Variants in SLC24A2 observed in about 807,000 individuals in gnomAD.
SLC24A2 encodes solute carrier family 24 member 2, also known as sodium/potassium/calcium exchanger 2.
Under a neutral mutation model 62.0 loss-of-function variants are expected in SLC24A2, and 36 were observed. That is an observed-to-expected ratio of 0.58 (90% CI 0.44 to 0.77). The LOEUF is 0.77. SLC24A2 is among the 30% of genes least tolerant of loss of function. The pLI is 0.00. For missense variants in SLC24A2, 846 were observed against 817.9 expected, an observed-to-expected ratio of 1.03 and a Z score of -0.42; for synonymous variants, 358 against 294.0, an observed-to-expected ratio of 1.22 and a Z score of -2.23.
At chr9:19,898,741 CAAAAAAAAA>C in the SLC24A2 span, among the ~76,000 whole-genome samples, 71 of 97,240 alleles carry the variant, frequency 7.3e-4, no homozygotes, top group Non-Finnish European at 6.5e-4. Flanking sequence ...GACTCCATCT[CAAAAAAAAA>C]AAAAAAAAAA....
the SLC24A2 span, among the ~76,000 whole-genome samples, chr9:20,161,521 ATATCAT>A: frequency 2.0e-5 from 3 of 151,432 alleles, no homozygotes; most frequent in African/African-American, 7.3e-5. Flanking sequence ...TTAAGAAAAT[ATATCAT>A]TATCAAGTGA....
chr9:19,914,850 A>T, the SLC24A2 span, among the ~76,000 whole-genome samples: 1 of 152,058 alleles, frequency 6.6e-6, no homozygotes, highest in Non-Finnish European at 1.5e-5. Flanking sequence ...TTGTAGCCAG[A>T]ATCTGGCCAC....
At chr9:20,249,597 T>G in the SLC24A2 span, among the ~76,000 whole-genome samples, 1 of 149,224 alleles carries the variant, frequency 6.7e-6, no homozygotes, top group African/African-American at 2.5e-5. Context: ...CCCAGCTACT[T>G]GGGAGACTGA....
chr9:19,622,310 GA>G lies in SLC24A2; in HGVS notation c.931-12del, dbSNP rs778424721. ...CCTGGCTGCAGATGGCTGCATAAGA[GA>G]AAAAGGCAAAGACAAAAGACAAAGA... On this transcript the variant is annotated splice_polypyrimidine_tract_variant and intron_variant, in intron 2 of 10. Transcript: ENST00000341998. The G allele has an allele frequency of 1.2e-6, 2 of 1,612,034 alleles. No individual in the cohort carries two copies. Among genetic ancestry groups the G allele is most frequent in the Non-Finnish European group, 1.7e-6 (2 of 1,178,454 alleles).
chr9:19,653,529 C>T (rs1319949467), intron 2 of SLC24A2, among the ~76,000 whole-genome samples: 3 of 152,194 alleles, frequency 2.0e-5, no homozygotes, highest in Non-Finnish European at 4.4e-5. Context: ...CAATAGTCTT[C>T]ATTCCAATAG....
the SLC24A2 span, among the ~76,000 whole-genome samples, chr9:19,859,775 T>C: frequency 2.6e-5 from 4 of 152,214 alleles, no homozygotes; most frequent in South Asian, 8.3e-4. Flanking sequence ...GGAGGGTGTT[T>C]CTGTGCTCTG....
chr9:19,551,469 A>C (rs1291914745), intron 7 of SLC24A2, among the ~76,000 whole-genome samples: 1 of 152,148 alleles, frequency 6.6e-6, no homozygotes, highest in Non-Finnish European at 1.5e-5. Flanking sequence ...AATACTTCCA[A>C]AACAGCACTG....
chr9:19,571,487 A>C (rs1204991505), intron 7 of SLC24A2, among the ~76,000 whole-genome samples: 1 of 151,842 alleles, frequency 6.6e-6, no homozygotes, highest in Non-Finnish European at 1.5e-5. Context: ...TTTTCAGCTC[A>C]TTGGGGGAAG....
At chr9:20,132,501 T>C in the SLC24A2 span, among the ~76,000 whole-genome samples, 1 of 152,132 alleles carries the variant, frequency 6.6e-6, no homozygotes, top group South Asian at 2.1e-4. Context: ...GAGACTAGAC[T>C]ACATGGGTCA....
intron 5 of SLC24A2, among the ~76,000 whole-genome samples, chr9:19,592,495 CACCTACCT>C (rs34178915): frequency 0.03 from 2,096 of 70,492 alleles, 183 homozygotes; most frequent in East Asian, 0.25. Flanking sequence ...CCTACCTACC[CACCTACCT>C]ACCTACCTAC....
chr9:20,135,624 A>G, the SLC24A2 span, among the ~76,000 whole-genome samples: 3 of 152,138 alleles, frequency 2.0e-5, no homozygotes, highest in Admixed American at 2.0e-4. Context: ...ATAAACAATC[A>G]TGTCTCCCCT....
the SLC24A2 span, among the ~76,000 whole-genome samples, chr9:19,812,959 C>T: frequency 3.3e-5 from 5 of 152,156 alleles, no homozygotes; most frequent in African/African-American, 4.8e-5. Flanking sequence ...AGTTCTAATC[C>T]TTGCCTCTTA....
chr9:19,842,095 A>G, the SLC24A2 span, among the ~76,000 whole-genome samples: 1 of 152,214 alleles, frequency 6.6e-6, no homozygotes, highest in Non-Finnish European at 1.5e-5. Context: ...GACATCTTCT[A>G]TTATGGAAGT....
the SLC24A2 span, among the ~76,000 whole-genome samples, chr9:20,125,199 C>G: frequency 1.3e-5 from 2 of 152,076 alleles, no homozygotes; most frequent in African/African-American, 4.8e-5. Flanking sequence ...ATGGAACTTA[C>G]TATCTAGGAG....
At chr9:19,731,974 C>T (rs984956572) in intron 2 of SLC24A2, among the ~76,000 whole-genome samples, 1 of 152,076 alleles carries the variant, frequency 6.6e-6, no homozygotes, top group Non-Finnish European at 1.5e-5. Context: ...ACAATATCTA[C>T]CAGGGTTGTG....
chr9:19,565,033 T>C (rs2132818943), intron 7 of SLC24A2, among the ~76,000 whole-genome samples: 1 of 152,254 alleles, frequency 6.6e-6, no homozygotes, highest in South Asian at 2.1e-4. Context: ...ACTGGAAGCA[T>C]TCCCTTTGAA....
the SLC24A2 span, among the ~76,000 whole-genome samples, chr9:20,114,710 G>C: frequency 6.6e-6 from 1 of 152,108 alleles, no homozygotes; most frequent in Non-Finnish European, 1.5e-5. Flanking sequence ...GCACCAACCA[G>C]TGGGGTCACG....
At chr9:20,174,141 G>A in the SLC24A2 span, among the ~76,000 whole-genome samples, 2 of 151,974 alleles carry the variant, frequency 1.3e-5, no homozygotes, top group Non-Finnish European at 1.5e-5. Context: ...TAATTGGCAA[G>A]CCACATGTAG....
intron 2 of SLC24A2, among the ~76,000 whole-genome samples, chr9:19,697,856 A>C (rs966931547): frequency 1.3e-5 from 2 of 152,148 alleles, no homozygotes; most frequent in Non-Finnish European, 2.9e-5. Context: ...GGCAAAGTTC[A>C]CCTGAAAAAA....
Sources: gnomAD v4.1 joint callset for allele counts (sites outside exome capture counted in the v4.1 genomes callset) on GRCh38, gnomAD v4.1.1 for gene constraint, MANE v1.5 for transcripts, NCBI Gene and HGNC (gene_info 2026-07-23, HGNC 2026-07-21) for gene names.